WDR17: variants seen among roughly 807,000 people sequenced by gnomAD.
WDR17 encodes the protein WD repeat domain 17, also known as WD repeat-containing protein 17.
WDR17 carries 143 observed loss-of-function variants against 161.7 expected under a neutral mutation model. The observed-to-expected ratio is 0.88, with a 90% CI of 0.77 to 1.02. The LOEUF (loss-of-function observed/expected upper bound fraction) is 1.02, where lower values mean the gene tolerates loss of function less well. Ranked by LOEUF, WDR17 falls within the 50% of genes least tolerant of loss-of-function variation. The pLI is 0.00. For synonymous variants in WDR17, 517 were observed against 515.6 expected (o/e 1.00, Z -0.04); for missense variants, 1,469 against 1,520.9 (o/e 0.97, Z 0.57).
chr4:176,108,384 C>T (rs1271399850), intron 1 of WDR17, among the ~76,000 whole-genome samples: 1 of 151,876 alleles, frequency 6.6e-6, no homozygotes, highest in African/African-American at 2.4e-5. Flanking sequence ...ACTATGGAAA[C>T]ATTAAAAGAT....
At chr4:176,071,465 G>C (rs1023677885) in intron 1 of WDR17, among the ~76,000 whole-genome samples, 1 of 152,074 alleles carries the variant, frequency 6.6e-6, no homozygotes, top group African/African-American at 2.4e-5. Flanking sequence ...TGGGATTACA[G>C]GCGCAGGCCA....
At chr4:176,105,213 C>T (rs1346673260) in intron 1 of WDR17, among the ~76,000 whole-genome samples, 1 of 151,796 alleles carries the variant, frequency 6.6e-6, no homozygotes, top group Admixed American at 6.6e-5. Context: ...TAAAAAACAC[C>T]ATCAAAATAT....
intron 1 of WDR17, among the ~76,000 whole-genome samples, chr4:176,078,626 A>C (rs1734355896): frequency 6.6e-6 from 1 of 152,114 alleles, no homozygotes; most frequent in South Asian, 2.1e-4. Context: ...GTGGGAACGA[A>C]ATTCTTCAAC....
chr4:176,150,462 C>G lies in WDR17; in HGVS notation c.2179-6C>G, dbSNP rs2126814907. 1 of 1,595,694 alleles carries G rather than the reference C, an allele frequency of 6.3e-7. No individual in the cohort carries two copies. On this transcript the variant is annotated splice_polypyrimidine_tract_variant and splice_region_variant and intron_variant, in intron 15 of 28. Transcript: ENST00000508596. The stretch of plus-strand genomic sequence containing the variant: ...ATTCCATATTTATTTTTTGTCAACT[C>G]TTTAGCCTCCAGGTGGCAGTGACAA...
At chr4:176,080,048 T>C (rs1330622393) in intron 1 of WDR17, among the ~76,000 whole-genome samples, 2 of 151,918 alleles carry the variant, frequency 1.3e-5, no homozygotes, top group Non-Finnish European at 2.9e-5. Context: ...TGCTGCCACA[T>C]TGGGGATTAA....
intron 23 of WDR17, 37 bp from the exon 24 acceptor site, chr4:176,172,338 T>G: frequency 6.3e-7 from 1 of 1,583,960 alleles, no homozygotes; most frequent in Non-Finnish European, 8.6e-7. Context: ...TCCGTTTGAA[T>G]TTTAGTAACA....
intron 1 of WDR17, among the ~76,000 whole-genome samples, chr4:176,084,213 A>G (rs576045994): frequency 1.3e-5 from 2 of 152,134 alleles, no homozygotes; most frequent in Non-Finnish European, 2.9e-5. Context: ...TATTAAGCTC[A>G]TGATTCTAAT....
chr4:176,134,665 G>T lies in WDR17; in HGVS notation c.1099-443G>T, dbSNP rs1744110582. Among the ~76,000 whole-genome samples, 3 of 151,632 alleles carry T rather than the reference G, an allele frequency of 2.0e-5. No homozygotes were observed. In the South Asian group the frequency reaches 6.2e-4, roughly 31 times the overall value. ...TGGAGTACGTTATTAGTATAAAAAA[G>T]GAATATTTGCATTAAATGACTTTTA... On this transcript the variant is annotated intron_variant, in intron 7 of 28. Transcript: ENST00000508596.
chr4:176,173,480 T>C (rs1161894159), intron 25 of WDR17, 111 bp downstream of exon 25: 2 of 610,722 alleles, frequency 3.3e-6, no homozygotes, highest in African/African-American at 1.9e-5. Context: ...GACAGGTAGC[T>C]ACACTTGTAG....
Position 176,179,567 on chromosome 4 carries a change from C to A in WDR17, c.3840C>A (p.Leu1280=). ...PFSPLGTGIR[L]NPF is the part of the protein sequence containing the mutation. Reference sequence around the variant, plus strand: ...CACCTTTAGGGACTGGAATACGACTCAATCCATTCTGATAGAAGATTTTTG... The same window carrying A: ...CACCTTTAGGGACTGGAATACGACTAAATCCATTCTGATAGAAGATTTTTG... Residue 1280 remains leucine, a synonymous_variant, in exon 29 of 29, where the codon CTC becomes CTA. Transcript: ENST00000508596. 2 of 1,561,332 alleles carry A rather than the reference C, an allele frequency of 1.3e-6. No individual in the cohort carries two copies. The highest frequency in any genetic ancestry group is 2.5e-5 in the South Asian group (2 of 80,872).
Position 176,150,475 on chromosome 4 carries a change from G to A in WDR17, c.2186G>A (p.Gly729Asp). ...RWFSECLSPP[G>D]GSDNLWNLVA... Reference sequence around the variant, plus strand: ...TTTTTGTCAACTCTTTAGCCTCCAGGTGGCAGTGACAATTTATGGAACTTG... The same window carrying A: ...TTTTTGTCAACTCTTTAGCCTCCAGATGGCAGTGACAATTTATGGAACTTG... Residue 729 changes from glycine (G) to aspartate (D), a missense_variant, in exon 16 of 29, where the codon GGT (glycine) becomes GAT (aspartate). By Grantham distance (94) the Gly-to-Asp change is moderately conservative. Coordinates refer to ENST00000508596, the MANE Select transcript of WDR17 (RefSeq NM_181265.4). The A allele has an allele frequency of 6.2e-7, 1 of 1,606,588 alleles. No homozygotes were observed. The highest frequency in any genetic ancestry group is 8.5e-7 in the Non-Finnish European group (1 of 1,177,986).
At chr4:176,105,153 A>G (rs2126672618) in intron 1 of WDR17, among the ~76,000 whole-genome samples, 1 of 152,172 alleles carries the variant, frequency 6.6e-6, no homozygotes, top group East Asian at 1.9e-4. Context: ...GACACTATAT[A>G]TTAATAAAGT....
chr4:176,151,969 T>C lies in WDR17; in HGVS notation c.2460+2T>C. The C allele has an allele frequency of 6.2e-7, 1 of 1,610,308 alleles. No homozygotes were observed. The highest frequency in any genetic ancestry group is 8.5e-7 in the Non-Finnish European group (1 of 1,179,054). On this transcript the variant is annotated splice_donor_variant, in intron 17 of 28. Coordinates refer to ENST00000508596, the MANE Select transcript of WDR17 (RefSeq NM_181265.4). LOFTEE classifies it high-confidence loss of function. ...GAACTTATGGTTGAACTTGGAGAGGTAATGTGCTATGAAAGTAAAACTAAT... is the reference window on the plus strand; with the variant it reads ...GAACTTATGGTTGAACTTGGAGAGGCAATGTGCTATGAAAGTAAAACTAAT...
chr4:176,128,860 T>A lies in WDR17; in HGVS notation c.913T>A (p.Phe305Ile), dbSNP rs1304382143. 6.4e-7 allele frequency: 1 copy of A among 1,565,980 alleles called. No individual in the cohort carries two copies. The highest frequency in any genetic ancestry group is 8.6e-7 in the Non-Finnish European group (1 of 1,161,906). ...HVLNSPPRKK[F>I]SVQSPTKNHY... Reference sequence around the variant, plus strand: ...ACTTAATTCTCCTCCAAGAAAAAAGTGTAAGTAAAAATGTTATCAAAATTT... The same window carrying A: ...ACTTAATTCTCCTCCAAGAAAAAAGAGTAAGTAAAAATGTTATCAAAATTT... Residue 305 changes from phenylalanine to isoleucine, a missense_variant and splice_region_variant, in exon 6 of 29, where the codon TTT becomes ATT. Physicochemically the swap from Phe to Ile is conservative, Grantham distance 21. Coordinates refer to ENST00000508596, the MANE Select transcript of WDR17 (RefSeq NM_181265.4).
intron 23 of WDR17, 88 bp downstream of exon 23, chr4:176,168,871 G>A: frequency 6.9e-7 from 1 of 1,456,362 alleles, no homozygotes; most frequent in Non-Finnish European, 9.2e-7. Flanking sequence ...GATGCATGCA[G>A]AGAAACAAAT....
chr4:176,087,405 A>C (rs1486209667), intron 1 of WDR17, among the ~76,000 whole-genome samples: 1 of 152,108 alleles, frequency 6.6e-6, no homozygotes, highest in Non-Finnish European at 1.5e-5. Context: ...TTTGACTGTA[A>C]CATGACCATT....
chr4:176,153,504 C>T (rs1440157559), intron 17 of WDR17, among the ~76,000 whole-genome samples: 1 of 152,174 alleles, frequency 6.6e-6, no homozygotes, highest in Non-Finnish European at 1.5e-5. Flanking sequence ...CATGGGCATA[C>T]TCAGTTTGTG....
At chr4:176,100,751 G>GT (rs199884861) in intron 1 of WDR17, among the ~76,000 whole-genome samples, 1,881 of 151,670 alleles carry the variant, frequency 0.012, 23 homozygotes, top group Middle Eastern at 0.021. Flanking sequence ...ATCTTGAATT[G>GT]TTTTTTTTAA....
chr4:176,124,999 A>G (rs981397207), intron 4 of WDR17, 105 bp from the exon 5 acceptor site: 89 of 1,299,130 alleles, frequency 6.9e-5, no homozygotes, highest in Non-Finnish European at 8.1e-5. Flanking sequence ...TTGTATTTTC[A>G]ATACCCTCAG....
Sources: gnomAD v4.1 joint callset for allele counts (sites outside exome capture counted in the v4.1 genomes callset) on GRCh38, gnomAD v4.1.1 for gene constraint, MANE v1.5 for transcripts, NCBI Gene and HGNC (gene_info 2026-07-23, HGNC 2026-07-21) for gene names.